The following PLGRKT variants were observed in gnomAD, a reference collection of about 807,000 sequenced individuals.
The protein encoded by PLGRKT is plasminogen receptor with a C-terminal lysine, also known as plasminogen receptor (KT).
In PLGRKT, 22 loss-of-function variants were observed where a neutral mutation model predicts 18.5. That is an observed-to-expected ratio of 1.19 (90% confidence interval 0.85 to 1.70). The LOEUF (loss-of-function observed/expected upper bound fraction) is 1.70, where lower values mean the gene tolerates loss of function less well. Among genes scored for constraint, PLGRKT ranks in the 40% most tolerant of loss-of-function variants. The pLI, the probability that PLGRKT is intolerant of heterozygous loss-of-function variation, is 0.00. For missense variants in PLGRKT, 235 were observed against 174.4 expected, an observed-to-expected ratio of 1.35 and a Z score of -1.96; for synonymous variants, 72 against 52.8, an observed-to-expected ratio of 1.36 and a Z score of -1.58.
At chr9:5,410,429 T>C (rs947840063) in intron 3 of PLGRKT, among the ~76,000 whole-genome samples, 16 of 150,780 alleles carry the variant, frequency 1.1e-4, no homozygotes, top group African/African-American at 2.9e-4. Flanking sequence ...GAGGCAGAGG[T>C]TGCAGTGAGC....
intron 3 of PLGRKT, among the ~76,000 whole-genome samples, chr9:5,416,250 T>C (rs1342579548): frequency 6.6e-6 from 1 of 152,082 alleles, no homozygotes; most frequent in Admixed American, 6.6e-5. Flanking sequence ...GGGGCTTTTT[T>C]CTCTCTCTCT....
intron 3 of PLGRKT, among the ~76,000 whole-genome samples, chr9:5,398,512 T>C (rs1003030603): frequency 2.0e-5 from 3 of 151,922 alleles, no homozygotes; most frequent in Non-Finnish European, 2.9e-5. Context: ...TGAATCTCCT[T>C]GGAGAAGGAA....
At chr9:5,415,491 G>C (rs1818442456) in intron 3 of PLGRKT, among the ~76,000 whole-genome samples, 2 of 152,094 alleles carry the variant, frequency 1.3e-5, no homozygotes, top group African/African-American at 4.8e-5. Context: ...AGTTCAAGAA[G>C]AAGCAGAATA....
At chr9:5,419,710 AG>A (rs781214989) in intron 3 of PLGRKT, among the ~76,000 whole-genome samples, 5 of 152,042 alleles carry the variant, frequency 3.3e-5, no homozygotes, top group African/African-American at 4.8e-5. Flanking sequence ...GGAAAAAAAA[AG>A]AGAGAGAGAA....
At chr9:5,431,752 A>C in intron 3 of PLGRKT, 145 bp downstream of exon 3, 3 of 581,202 alleles carry the variant, frequency 5.2e-6, no homozygotes, top group Non-Finnish European at 9.4e-6. Context: ...CCAGATAATT[A>C]GTAAGCCATT....
At chr9:5,404,609 A>G (rs1432374540) in intron 3 of PLGRKT, among the ~76,000 whole-genome samples, 7 of 152,158 alleles carry the variant, frequency 4.6e-5, no homozygotes, top group Admixed American at 3.3e-4. Context: ...AATAAACTAA[A>G]TATTGAAGGA....
intron 2 of PLGRKT, among the ~76,000 whole-genome samples, chr9:5,432,615 G>A (rs1390327379): frequency 4.0e-5 from 6 of 151,086 alleles, no homozygotes; most frequent in Non-Finnish European, 7.4e-5. Flanking sequence ...CTCCTGTCTC[G>A]GCCTGCCGAG....
chr9:5,380,509 C>T (rs1817722029), intron 3 of PLGRKT, among the ~76,000 whole-genome samples: 1 of 151,954 alleles, frequency 6.6e-6, no homozygotes, highest in Non-Finnish European at 1.5e-5. Flanking sequence ...TTGGATGTTA[C>T]TATCATCAAA....
At chr9:5,392,142 T>C (rs1411350773) in intron 3 of PLGRKT, among the ~76,000 whole-genome samples, 1 of 151,946 alleles carries the variant, frequency 6.6e-6, no homozygotes, top group Non-Finnish European at 1.5e-5. Context: ...TTTTTTCCAC[T>C]TAAATCTCAG....
chr9:5,402,321 A>T (rs1563780643), intron 3 of PLGRKT, among the ~76,000 whole-genome samples: 1 of 151,888 alleles, frequency 6.6e-6, no homozygotes, highest in Non-Finnish European at 1.5e-5. Flanking sequence ...AGGGATGAAA[A>T]GGCACCCAGG....
chr9:5,426,588 T>A (rs1379955303), intron 3 of PLGRKT, among the ~76,000 whole-genome samples: 1 of 152,188 alleles, frequency 6.6e-6, no homozygotes, highest in Non-Finnish European at 1.5e-5. Flanking sequence ...AATAATAAAG[T>A]GTATCTTGAT....
At chr9:5,379,795 ACTATTTT>A (rs1817701972) in intron 3 of PLGRKT, among the ~76,000 whole-genome samples, 1 of 152,214 alleles carries the variant, frequency 6.6e-6, no homozygotes, top group Non-Finnish European at 1.5e-5. Flanking sequence ...GCACTCATGC[ACTATTTT>A]TGGGAAAGCA....
At chr9:5,382,865 C>A (rs915338430) in intron 3 of PLGRKT, among the ~76,000 whole-genome samples, 11 of 152,164 alleles carry the variant, frequency 7.2e-5, no homozygotes, top group Admixed American at 2.0e-4. Context: ...TCAGTAAGAA[C>A]TGTGGGAACC....
At chr9:5,397,820 C>T (rs193294546) in intron 3 of PLGRKT, among the ~76,000 whole-genome samples, 8 of 152,070 alleles carry the variant, frequency 5.3e-5, no homozygotes, top group East Asian at 3.9e-4. Flanking sequence ...GTGTCAGCTG[C>T]GCTCAGCACA....
intron 3 of PLGRKT, among the ~76,000 whole-genome samples, chr9:5,424,691 T>TATATATATATATATATACACAC (rs201541927): frequency 1.4e-5 from 1 of 70,486 alleles, no homozygotes; most frequent in African/African-American, 6.1e-5. Flanking sequence ...TATATATATA[T>TATATATATATATATATACACAC]ACACACAGGG....
intron 1 of PLGRKT, chr9:5,437,505 A>G (rs1818983046): frequency 6.6e-6 from 1 of 152,194 alleles, no homozygotes; most frequent in South Asian, 2.1e-4. Flanking sequence ...ATTCCCCGCA[A>G]TAGTGTGCTG....
intron 3 of PLGRKT, among the ~76,000 whole-genome samples, chr9:5,396,141 G>A (rs569372910): frequency 7.3e-5 from 11 of 150,730 alleles, no homozygotes; most frequent in Admixed American, 1.3e-4. Context: ...TGATCAGTCC[G>A]CCTCAGCCTC....
intron 3 of PLGRKT, among the ~76,000 whole-genome samples, chr9:5,390,818 C>T (rs559317607): frequency 6.6e-6 from 1 of 151,966 alleles, no homozygotes; most frequent in East Asian, 1.9e-4. Context: ...AGCTATGCTG[C>T]TTTTTGTATC....
At chr9:5,362,295 G>T (rs1817284531) in intron 3 of PLGRKT, among the ~76,000 whole-genome samples, 1 of 152,100 alleles carries the variant, frequency 6.6e-6, no homozygotes, top group Non-Finnish European at 1.5e-5. Flanking sequence ...ATTCCAAATT[G>T]AAATTTATTT....
Sources: allele counts gnomAD v4.1 joint callset (sites outside exome capture counted in the v4.1 genomes callset), GRCh38; gene constraint gnomAD v4.1.1; transcripts MANE v1.5; gene names NCBI Gene and HGNC (gene_info 2026-07-23, HGNC 2026-07-21).